The following ERBB4 variants were observed in gnomAD, a reference collection of about 807,000 sequenced individuals.
ERBB4 encodes the protein receptor tyrosine-protein kinase erbB-4.
ERBB4 carries 42 observed loss-of-function variants against 158.0 expected under a neutral mutation model. The ratio of observed to expected loss-of-function variants is 0.27; its 90% CI spans 0.21 to 0.34. ERBB4 has a LOEUF of 0.34. ERBB4 is among the 10% of genes least tolerant of loss of function. The pLI, the probability that ERBB4 is intolerant of heterozygous loss-of-function variation, is 1.00. For missense variants in ERBB4, 1,333 were observed against 1,624.1 expected (o/e 0.82, Z 3.08); for synonymous variants, 583 against 558.7 (o/e 1.04, Z -0.61).
At chr2:212,203,896 A>G (rs192152292) in intron 1 of ERBB4, among the ~76,000 whole-genome samples, 181 of 152,340 alleles carry the variant, frequency 1.2e-3, no homozygotes, top group Non-Finnish European at 2.1e-3. Flanking sequence ...TTGTTTCTAG[A>G]TAAATGACCA....
intron 20 of ERBB4, among the ~76,000 whole-genome samples, chr2:211,525,873 A>C (rs1242643348): frequency 6.6e-6 from 1 of 151,874 alleles, no homozygotes; most frequent in Non-Finnish European, 1.5e-5. Context: ...TGGAAAGGGG[A>C]GGGAAGAGTA....
chr2:211,909,326 A>T (rs146329007), intron 3 of ERBB4, among the ~76,000 whole-genome samples: 1,608 of 151,772 alleles, frequency 0.011, 34 homozygotes, highest in African/African-American at 0.036. Context: ...GATTATATCT[A>T]TTTATATATG....
intron 20 of ERBB4, among the ~76,000 whole-genome samples, chr2:211,439,287 A>G (rs2063923652): frequency 6.6e-6 from 1 of 152,200 alleles, no homozygotes; most frequent in Non-Finnish European, 1.5e-5. Context: ...ATGCCAGGCA[A>G]ATTTCAAGTT....
intron 19 of ERBB4, among the ~76,000 whole-genome samples, chr2:211,567,729 G>A (rs1044791220): frequency 6.6e-6 from 1 of 150,498 alleles, no homozygotes; most frequent in Non-Finnish European, 1.5e-5. Flanking sequence ...GAGTATTTGC[G>A]TAATAGTTCT....
chr2:212,408,637 C>T (rs1413752802), intron 1 of ERBB4, among the ~76,000 whole-genome samples: 1 of 152,064 alleles, frequency 6.6e-6, no homozygotes, highest in East Asian at 1.9e-4. Context: ...CTGGACGATA[C>T]AGTGAGACTT....
At chr2:212,375,131 A>G (rs1277304790) in intron 1 of ERBB4, among the ~76,000 whole-genome samples, 1 of 152,052 alleles carries the variant, frequency 6.6e-6, no homozygotes, top group African/African-American at 2.4e-5. Flanking sequence ...TTACTCTAAT[A>G]AAGCTTACTC....
chr2:211,801,726 T>C (rs965171661), intron 3 of ERBB4, among the ~76,000 whole-genome samples: 6 of 152,114 alleles, frequency 3.9e-5, no homozygotes, highest in African/African-American at 1.4e-4. Context: ...AAACTAAACA[T>C]TTATTTGTGA....
chr2:211,635,073 A>G (rs1332189409), intron 16 of ERBB4, among the ~76,000 whole-genome samples: 1 of 152,174 alleles, frequency 6.6e-6, no homozygotes, highest in East Asian at 1.9e-4. Flanking sequence ...GAATACTCTG[A>G]TTCCTTATCT....
intron 18 of ERBB4, among the ~76,000 whole-genome samples, chr2:211,620,764 G>A (rs188066270): frequency 3.3e-5 from 5 of 152,236 alleles, no homozygotes; most frequent in Admixed American, 3.3e-4. Flanking sequence ...TAACCACAGA[G>A]AAGATTACTT....
chr2:211,651,753 A>G (rs2070997020), intron 16 of ERBB4, among the ~76,000 whole-genome samples: 2 of 152,192 alleles, frequency 1.3e-5, no homozygotes, highest in Non-Finnish European at 1.5e-5. Flanking sequence ...GCTAAGAGTC[A>G]GCAATAACTT....
chr2:211,554,875 T>C (rs2067195824), intron 20 of ERBB4, among the ~76,000 whole-genome samples: 1 of 152,230 alleles, frequency 6.6e-6, no homozygotes, highest in Non-Finnish European at 1.5e-5. Context: ...GCCTACTTTT[T>C]GTCTCATATT....
intron 20 of ERBB4, among the ~76,000 whole-genome samples, chr2:211,507,222 A>G (rs1186935943): frequency 6.6e-6 from 1 of 152,128 alleles, no homozygotes; most frequent in Non-Finnish European, 1.5e-5. Flanking sequence ...AATAAAAAAC[A>G]TCTTTCATCA....
At chr2:211,435,344 C>G (rs571106286) in intron 20 of ERBB4, among the ~76,000 whole-genome samples, 1 of 151,970 alleles carries the variant, frequency 6.6e-6, no homozygotes, top group South Asian at 2.1e-4. Context: ...TAGAACACAG[C>G]GGTCATTAAA....
intron 1 of ERBB4, among the ~76,000 whole-genome samples, chr2:212,357,319 T>C (rs1004140533): frequency 1.3e-5 from 2 of 151,874 alleles, no homozygotes; most frequent in Admixed American, 1.3e-4. Context: ...TTAAGATAAA[T>C]TAGTCCAATT....
At chr2:211,728,830 G>A (rs949382779) in intron 5 of ERBB4, among the ~76,000 whole-genome samples, 1 of 151,748 alleles carries the variant, frequency 6.6e-6, no homozygotes, top group Non-Finnish European at 1.5e-5. Flanking sequence ...TAGACAAAAT[G>A]TTTCAGTTTC....
intron 3 of ERBB4, among the ~76,000 whole-genome samples, chr2:211,917,976 A>C (rs1419524291): frequency 6.6e-6 from 1 of 152,194 alleles, no homozygotes; most frequent in Non-Finnish European, 1.5e-5. Flanking sequence ...ATGAGACTCC[A>C]AGCTCTTGTG....
intron 3 of ERBB4, among the ~76,000 whole-genome samples, chr2:211,869,068 T>C (rs865893041): frequency 6.6e-6 from 1 of 150,472 alleles, no homozygotes; most frequent in South Asian, 2.1e-4. Context: ...CAGCACAGCA[T>C]ATAAGCCCCT....
chr2:211,449,106 G>A (rs1032452395), intron 20 of ERBB4, among the ~76,000 whole-genome samples: 18 of 151,982 alleles, frequency 1.2e-4, no homozygotes, highest in African/African-American at 4.3e-4. Context: ...CCTACAAGAA[G>A]CTTGATAACT....
At chr2:211,540,366 G>A (rs942525173) in intron 20 of ERBB4, among the ~76,000 whole-genome samples, 9 of 151,720 alleles carry the variant, frequency 5.9e-5, no homozygotes, top group African/African-American at 1.9e-4. Flanking sequence ...AGAGCAACTC[G>A]TACACATAAT....
Sources: allele counts gnomAD v4.1 joint callset (sites outside exome capture counted in the v4.1 genomes callset), GRCh38; gene constraint gnomAD v4.1.1; transcripts MANE v1.5; gene names NCBI Gene and HGNC (gene_info 2026-07-23, HGNC 2026-07-21).